RALY: variants seen among roughly 807,000 people sequenced by gnomAD.
RALY encodes the protein RALY heterogeneous nuclear ribonucleoprotein, also known as RNA-binding protein Raly.
A neutral mutation model predicts 30.7 loss-of-function variants in RALY; 15 were observed. That is an observed-to-expected ratio of 0.49 (90% CI 0.33 to 0.75). The LOEUF is 0.75. Ranked by LOEUF, RALY falls within the 30% of genes least tolerant of loss-of-function variation. The pLI, the probability that RALY is intolerant of heterozygous loss-of-function variation, is 0.02. For synonymous variants in RALY, 177 were observed against 170.8 expected, an observed-to-expected ratio of 1.04 and a Z score of -0.28; for missense variants, 339 against 414.3, an observed-to-expected ratio of 0.82 and a Z score of 1.58.
chr20:34,076,792 C>A lies in RALY; in HGVS notation c.635C>A (p.Ala212Asp). The change falls in exon 7 of 10, where the codon GCT becomes GAT. Residue 212 changes from alanine (A) to aspartate (D), a missense_variant. By Grantham distance (126) the Ala-to-Asp change is moderately radical (BLOSUM62 -2). Transcript: ENST00000246194. ...CTGCTGAGCCGCTTGGAGCAGATCG[C>A]TGCGGAGCAAAAGGCCAATCCAGGT... The part of the protein sequence containing the change: ...DALLSRLEQI[A>D]AEQKANPDGK... 1 of 1,614,112 alleles carries A rather than the reference C, an allele frequency of 6.2e-7. No homozygotes were observed. The highest frequency in any genetic ancestry group is 8.5e-7 in the Non-Finnish European group (1 of 1,180,020).
At chr20:34,068,184 C>T (rs888718504) in intron 2 of RALY, among the ~76,000 whole-genome samples, 3 of 152,126 alleles carry the variant, frequency 2.0e-5, no homozygotes, top group Admixed American at 2.0e-4. Context: ...CCTAGGACCC[C>T]TGGGGGCTGC....
At chr20:34,064,735 A>G (rs2033520463) in intron 2 of RALY, among the ~76,000 whole-genome samples, 1 of 152,192 alleles carries the variant, frequency 6.6e-6, no homozygotes, top group African/African-American at 2.4e-5. Flanking sequence ...GTGCCAGGCT[A>G]GGTTCATCTG....
At chr20:34,038,754 T>G (rs2032591782) in intron 2 of RALY, among the ~76,000 whole-genome samples, 1 of 152,232 alleles carries the variant, frequency 6.6e-6, no homozygotes, top group Non-Finnish European at 1.5e-5. Flanking sequence ...TCTGTGTGAC[T>G]AACTTCTCTG....
intron 2 of RALY, among the ~76,000 whole-genome samples, chr20:34,053,741 T>A (rs1469698551): frequency 6.6e-6 from 1 of 152,170 alleles, no homozygotes; most frequent in Non-Finnish European, 1.5e-5. Context: ...TCTCAGGGAT[T>A]AACTTATGGT....
At chr20:34,019,953 T>C (rs1046163860) in intron 1 of RALY, among the ~76,000 whole-genome samples, 1 of 151,680 alleles carries the variant, frequency 6.6e-6, no homozygotes, top group Non-Finnish European at 1.5e-5. Context: ...CCCAGCTACT[T>C]GGGAGGCTGA....
intron 9 of RALY, among the ~76,000 whole-genome samples, chr20:34,079,653 G>A (rs2033990474): frequency 6.6e-6 from 1 of 152,170 alleles, no homozygotes; most frequent in South Asian, 2.1e-4. Context: ...ACACCCCTTT[G>A]TGCCTGGTGC....
chr20:34,056,010 G>C (rs939911109), intron 2 of RALY, among the ~76,000 whole-genome samples: 2 of 152,176 alleles, frequency 1.3e-5, no homozygotes, highest in African/African-American at 4.8e-5. Flanking sequence ...CAGATGCTCA[G>C]AAGCTATAGG....
At chr20:34,015,330 T>TC (rs201934848) in intron 1 of RALY, among the ~76,000 whole-genome samples, 1,613 of 152,018 alleles carry the variant, frequency 0.011, 33 homozygotes, top group African/African-American at 0.037. Flanking sequence ...TCTCAATATT[T>TC]CCCCCTTTTT....
Position 34,083,218 on chromosome 20 carries a change from T to C in RALY, c.*3313T>C, listed in dbSNP as rs1221421655. Reference sequence around the variant, plus strand: ...GCTTGGCAGTTTGGGCTGTGTTCAGTGTGGTGGTTCTTATCTCATCTGGGC... The same window carrying C: ...GCTTGGCAGTTTGGGCTGTGTTCAGCGTGGTGGTTCTTATCTCATCTGGGC... On this transcript the variant is annotated 3_prime_UTR_variant, in exon 10 of 10. Coordinates refer to ENST00000246194, the MANE Select transcript of RALY (RefSeq NM_016732.3). The C allele has an allele frequency of 2.0e-5, 3 of 152,192 alleles. No homozygotes were observed. The highest frequency in any genetic ancestry group is 7.2e-5 in the African/African-American group (3 of 41,430). 9.4% of individuals were successfully genotyped at this position (152,192 alleles called of 1,614,324 possible).
chr20:34,052,187 C>T lies in RALY; in HGVS notation c.-9-19879C>T, dbSNP rs62212014. On this transcript the variant is annotated intron_variant, in intron 2 of 9. Transcript: ENST00000246194. ...AATGCTAATAAGTAAATTTCTTTAC[C>T]GCTGCCTTTGCAGACCCTTATTGTG... Among the ~76,000 whole-genome samples, 1,032 of 152,262 alleles carry T rather than the reference C, an allele frequency of 6.8e-3. 5 individuals are homozygous for T. The highest frequency in any genetic ancestry group is 0.014 in the Middle Eastern group (4 of 294).
chr20:34,008,471 A>G (rs1159260086), intron 1 of RALY, among the ~76,000 whole-genome samples: 2 of 152,196 alleles, frequency 1.3e-5, no homozygotes, highest in Admixed American at 1.3e-4. Flanking sequence ...CAGAATTTTA[A>G]AGGTATTCCA....
At chr20:34,044,807 T>A (rs2032823642) in intron 2 of RALY, among the ~76,000 whole-genome samples, 1 of 152,184 alleles carries the variant, frequency 6.6e-6, no homozygotes, top group Non-Finnish European at 1.5e-5. Flanking sequence ...TTAGGGACAG[T>A]GTTTATACTT....
At chr20:34,020,642 C>T (rs1168526655) in intron 1 of RALY, among the ~76,000 whole-genome samples, 1 of 152,218 alleles carries the variant, frequency 6.6e-6, no homozygotes, top group Admixed American at 6.5e-5. Flanking sequence ...TAAAGTTTTA[C>T]TGGAACACAG....
At chr20:34,073,177 A>G (rs1269438561) in intron 3 of RALY, among the ~76,000 whole-genome samples, 14 of 151,936 alleles carry the variant, frequency 9.2e-5, no homozygotes, top group Admixed American at 8.5e-4. Flanking sequence ...TCTTACCTGG[A>G]TATGTGAATG....
At chr20:33,994,984 A>G (rs2030537676) in intron 1 of RALY, among the ~76,000 whole-genome samples, 1 of 152,100 alleles carries the variant, frequency 6.6e-6, no homozygotes, top group African/African-American at 2.4e-5. Context: ...GTAGCCACAG[A>G]AGTGCAAAGG....
chr20:34,019,182 C>T (rs2031721958), intron 1 of RALY, among the ~76,000 whole-genome samples: 1 of 152,058 alleles, frequency 6.6e-6, no homozygotes, highest in Admixed American at 6.5e-5. Flanking sequence ...AAAAATTAGC[C>T]AGGCCTGGTG....
chr20:34,016,159 C>T (rs1000462237), intron 1 of RALY, among the ~76,000 whole-genome samples: 1 of 152,232 alleles, frequency 6.6e-6, no homozygotes, highest in African/African-American at 2.4e-5. Flanking sequence ...GCATCCTCCA[C>T]ATTTCTTTAT....
At chr20:34,037,695 G>A (rs2032549745) in intron 2 of RALY, among the ~76,000 whole-genome samples, 5 of 152,154 alleles carry the variant, frequency 3.3e-5, no homozygotes, top group Admixed American at 3.3e-4. Context: ...TAAAACCATT[G>A]GATAGTGTAC....
At chr20:34,001,780 T>A (rs576150803) in intron 1 of RALY, among the ~76,000 whole-genome samples, 1 of 152,296 alleles carries the variant, frequency 6.6e-6, no homozygotes, top group South Asian at 2.1e-4. Context: ...GTTTCCTTTT[T>A]TTTTGAGACG....
Sources: allele counts gnomAD v4.1 joint callset (sites outside exome capture counted in the v4.1 genomes callset), GRCh38; gene constraint gnomAD v4.1.1; transcripts MANE v1.5; gene names NCBI Gene and HGNC (gene_info 2026-07-23, HGNC 2026-07-21).